Variants in ARB2A observed in about 807,000 individuals in gnomAD.
ARB2A encodes ARB2 cotranscriptional regulator A, also known as cotranscriptional regulator ARB2A.
the ARB2A span, among the ~76,000 whole-genome samples, chr5:93,720,939 A>C: frequency 1.3e-5 from 2 of 152,124 alleles, no homozygotes; most frequent in African/African-American, 4.8e-5. Flanking sequence ...CTTCATGTGT[A>C]TATTCTGCTT....
the ARB2A span, among the ~76,000 whole-genome samples, chr5:94,071,709 A>C: frequency 1.3e-5 from 2 of 152,170 alleles, no homozygotes; most frequent in African/African-American, 4.8e-5. Flanking sequence ...ACATAGTAAT[A>C]ATACCAAATG....
At chr5:94,008,320 C>T in the ARB2A span, among the ~76,000 whole-genome samples, 3 of 152,180 alleles carry the variant, frequency 2.0e-5, no homozygotes, top group African/African-American at 7.2e-5. Flanking sequence ...CACAAGCTCA[C>T]ACTTTGCCAA....
chr5:94,103,055 C>T, the ARB2A span, among the ~76,000 whole-genome samples: 1 of 151,918 alleles, frequency 6.6e-6, no homozygotes, highest in Non-Finnish European at 1.5e-5. Context: ...TACTGGCCAC[C>T]ACAAAAACAA....
chr5:94,039,437 T>C, the ARB2A span, among the ~76,000 whole-genome samples: 1 of 152,164 alleles, frequency 6.6e-6, no homozygotes, highest in African/African-American at 2.4e-5. Flanking sequence ...ACTGCTACAC[T>C]GCCACCAGCA....
At chr5:93,686,043 C>T in the ARB2A span, among the ~76,000 whole-genome samples, 1 of 152,214 alleles carries the variant, frequency 6.6e-6, no homozygotes, top group Admixed American at 6.5e-5. Flanking sequence ...AAGTGCTTTA[C>T]ATATATTATT....
the ARB2A span, among the ~76,000 whole-genome samples, chr5:93,841,768 G>C: frequency 6.6e-6 from 1 of 152,086 alleles, no homozygotes; most frequent in Non-Finnish European, 1.5e-5. Context: ...AACGAGTATT[G>C]CTATTCTTTA....
At chr5:93,923,420 A>AT in the ARB2A span, among the ~76,000 whole-genome samples, 5 of 151,950 alleles carry the variant, frequency 3.3e-5, no homozygotes, top group African/African-American at 1.2e-4. Context: ...AGTCAACTGT[A>AT]TTTTTTTATT....
chr5:93,768,690 C>A, the ARB2A span, among the ~76,000 whole-genome samples: 3 of 151,978 alleles, frequency 2.0e-5, no homozygotes, highest in Admixed American at 6.6e-5. Flanking sequence ...AGGCAATCCT[C>A]CCACCTCAGC....
At chr5:93,934,351 T>C in the ARB2A span, among the ~76,000 whole-genome samples, 21 of 152,288 alleles carry the variant, frequency 1.4e-4, no homozygotes, top group African/African-American at 5.1e-4. Context: ...ACTGAGACGA[T>C]TTTGAAAAAG....
chr5:93,779,601 T>C, the ARB2A span, among the ~76,000 whole-genome samples: 1 of 152,196 alleles, frequency 6.6e-6, no homozygotes, highest in African/African-American at 2.4e-5. Context: ...AATAGTGCCA[T>C]GCTTGAGTCT....
At chr5:93,734,481 A>C in the ARB2A span, 1 of 152,328 alleles carries the variant, frequency 6.6e-6, no homozygotes, top group Non-Finnish European at 1.5e-5. Context: ...ACCATCTTTA[A>C]AGAAAATGCA....
the ARB2A span, among the ~76,000 whole-genome samples, chr5:93,909,980 T>C: frequency 2.0e-5 from 3 of 150,932 alleles, no homozygotes; most frequent in Non-Finnish European, 4.5e-5. Context: ...ACTATAGGAA[T>C]TATAAAAAAA....
chr5:93,851,964 T>A, the ARB2A span, among the ~76,000 whole-genome samples: 1 of 152,212 alleles, frequency 6.6e-6, no homozygotes, highest in Non-Finnish European at 1.5e-5. Flanking sequence ...TTTGTGTATA[T>A]ACCCAGTAAT....
chr5:93,898,578 T>C, the ARB2A span, among the ~76,000 whole-genome samples: 1 of 152,090 alleles, frequency 6.6e-6, no homozygotes, highest in Non-Finnish European at 1.5e-5. Flanking sequence ...CAATTGTCCA[T>C]GTTATGTACA....
chr5:94,056,677 G>T, the ARB2A span, among the ~76,000 whole-genome samples: 2 of 152,030 alleles, frequency 1.3e-5, no homozygotes, highest in African/African-American at 4.8e-5. Flanking sequence ...ATAAAAATAC[G>T]ATTTCATACC....
chr5:93,895,296 T>C, the ARB2A span, among the ~76,000 whole-genome samples: 3 of 152,212 alleles, frequency 2.0e-5, no homozygotes, highest in Non-Finnish European at 2.9e-5. Flanking sequence ...TGTTTTCTGC[T>C]TTCCGAGTCT....
At chr5:93,715,639 C>T in the ARB2A span, among the ~76,000 whole-genome samples, 3 of 151,628 alleles carry the variant, frequency 2.0e-5, no homozygotes, top group Admixed American at 1.3e-4. Context: ...ATCCTTTCCC[C>T]CGCCTTTTTT....
At chr5:93,954,358 C>T in the ARB2A span, among the ~76,000 whole-genome samples, 2 of 151,890 alleles carry the variant, frequency 1.3e-5, no homozygotes, top group East Asian at 3.9e-4. Flanking sequence ...ATGACTGGGT[C>T]CTTCCCTCCA....
chr5:93,905,687 A>G, the ARB2A span, among the ~76,000 whole-genome samples: 1 of 151,524 alleles, frequency 6.6e-6, no homozygotes, highest in Non-Finnish European at 1.5e-5. Flanking sequence ...TAACTCAGTT[A>G]TTATGTTAAC....
Sources: gnomAD v4.1 joint callset for allele counts (sites outside exome capture counted in the v4.1 genomes callset) on GRCh38, gnomAD v4.1.1 for gene constraint, MANE v1.5 for transcripts, NCBI Gene and HGNC (gene_info 2026-07-23, HGNC 2026-07-21) for gene names.